NCALD: variants seen among roughly 807,000 people sequenced by gnomAD.
The protein encoded by NCALD is neurocalcin delta.
NCALD carries 10 observed loss-of-function variants against 18.6 expected under a neutral mutation model. That is an observed-to-expected ratio of 0.54 (90% CI 0.33 to 0.91). The LOEUF (loss-of-function observed/expected upper bound fraction) is 0.91. Among genes scored for constraint, NCALD ranks in the 40% least tolerant of loss-of-function variants. The probability of loss-of-function intolerance (pLI) is 0.03; values close to 1 mark genes in which losing one functional copy is unlikely to be tolerated. For missense variants in NCALD, 184 were observed against 247.6 expected, an observed-to-expected ratio of 0.74 and a Z score of 1.72; for synonymous variants, 88 against 87.4, an observed-to-expected ratio of 1.01 and a Z score of -0.04.
At chr8:101,702,395 T>G (rs1815310629) in intron 2 of NCALD, among the ~76,000 whole-genome samples, 1 of 151,978 alleles carries the variant, frequency 6.6e-6, no homozygotes, top group African/African-American at 2.4e-5. Flanking sequence ...GCCACCACAC[T>G]GGGTAATTTT....
chr8:102,098,004 C>A (rs910775623), intron 1 of NCALD, among the ~76,000 whole-genome samples: 3 of 152,212 alleles, frequency 2.0e-5, no homozygotes, highest in African/African-American at 7.2e-5. Context: ...TCCTGCACAG[C>A]CATCTCTGTG....
In NCALD at chr8:101,765,861, C is replaced by G. The variant is rs562186983; in HGVS notation, c.-20+25001G>C. 1.2e-3 allele frequency among the ~76,000 whole-genome samples: 187 copies of G among 152,336 alleles called. 1 individual carries two copies. Among genetic ancestry groups the G allele is most frequent in the African/African-American group, 4.4e-3 (184 of 41,570 alleles). ...AGGATAATTTGCTTAGCATACAGAT[C>G]TCTACTACCATATACTTCTGCTCTG... is the stretch of plus-strand genomic sequence containing the variant. On this transcript the variant is annotated intron_variant, in intron 1 of 3. Coordinates refer to ENST00000220931, the MANE Select transcript of NCALD (RefSeq NM_032041.3).
chr8:101,707,486 C>T (rs1815582956), intron 2 of NCALD, among the ~76,000 whole-genome samples: 1 of 152,194 alleles, frequency 6.6e-6, no homozygotes. Context: ...CCTTATTCAT[C>T]ACAGGGGTGA....
At chr8:102,081,657 C>T (rs1189822285) in intron 1 of NCALD, among the ~76,000 whole-genome samples, 1 of 151,906 alleles carries the variant, frequency 6.6e-6, no homozygotes, top group Non-Finnish European at 1.5e-5. Flanking sequence ...AGTCCATCAG[C>T]CTGCGGACTT....
intron 2 of NCALD, among the ~76,000 whole-genome samples, chr8:102,019,703 G>A (rs1467912364): frequency 1.3e-5 from 2 of 152,240 alleles, no homozygotes; most frequent in Non-Finnish European, 2.9e-5. Flanking sequence ...ATCTAGCTAA[G>A]TATAGAAAAG....
rs1435890219 is a variant in NCALD, at chr8:101,687,427, C to T, written c.*1882G>A. The T allele has an allele frequency of 6.6e-6, 1 of 152,660 alleles. No homozygotes were observed. The highest frequency in any genetic ancestry group is 1.5e-5 in the Non-Finnish European group (1 of 68,052). The allele number at this position is 152,660 out of a possible 1,614,324, so 9.5% of individuals were successfully genotyped here. On this transcript the variant is annotated 3_prime_UTR_variant, in exon 4 of 4. Coordinates refer to ENST00000220931, the MANE Select transcript of NCALD (RefSeq NM_032041.3). ...TTTGGCAAGTTTTGGTACAGAACCA[C>T]TGTGAGGAACTGACCCCTGGAGGAA...
At chr8:101,876,539 C>T (rs1164921676) in intron 4 of NCALD, among the ~76,000 whole-genome samples, 1 of 152,206 alleles carries the variant, frequency 6.6e-6, no homozygotes, top group Non-Finnish European at 1.5e-5. Flanking sequence ...TTACCTGAAG[C>T]CTAATTTCCT....
At chr8:101,718,481 G>A (rs182338022) in intron 2 of NCALD, among the ~76,000 whole-genome samples, 7 of 151,966 alleles carry the variant, frequency 4.6e-5, no homozygotes, top group Admixed American at 2.6e-4. Flanking sequence ...ATTTGTTCAG[G>A]GCTGAGTTCT....
At chr8:102,076,719 G>T (rs1587028977) in intron 1 of NCALD, among the ~76,000 whole-genome samples, 1 of 152,230 alleles carries the variant, frequency 6.6e-6, no homozygotes, top group East Asian at 1.9e-4. Context: ...GTACCCAAAT[G>T]CTGGTGAACA....
intron 1 of NCALD, among the ~76,000 whole-genome samples, chr8:102,097,608 A>C (rs1189498093): frequency 6.6e-6 from 1 of 152,224 alleles, no homozygotes; most frequent in Non-Finnish European, 1.5e-5. Context: ...GCCTCCATGA[A>C]GCTGGATATT....
chr8:101,905,574 G>T (rs1003703922), intron 3 of NCALD, among the ~76,000 whole-genome samples: 8 of 151,960 alleles, frequency 5.3e-5, no homozygotes, highest in Non-Finnish European at 8.8e-5. Context: ...TATTTAAATT[G>T]CCTTCTGACT....
At chr8:102,059,383 T>C (rs1488186211) in intron 1 of NCALD, among the ~76,000 whole-genome samples, 1 of 152,220 alleles carries the variant, frequency 6.6e-6, no homozygotes, top group Non-Finnish European at 1.5e-5. Context: ...GTACTACATA[T>C]CTTTAATAGC....
intron 1 of NCALD, among the ~76,000 whole-genome samples, chr8:102,098,483 T>TG (rs34402724): frequency 0.22 from 33,803 of 152,030 alleles, 4,487 homozygotes; most frequent in East Asian, 0.42. Context: ...TTGCTGGCCC[T>TG]GGGGGGCTGC....
At chr8:101,872,497 C>T in intron 4 of NCALD, 1 of 772,116 alleles carries the variant, frequency 1.3e-6, no homozygotes, top group Non-Finnish European at 2.3e-6. Flanking sequence ...GGGTAAGATG[C>T]CCTTCTTGTC....
At chr8:102,085,591 C>T (rs1240689647) in intron 1 of NCALD, among the ~76,000 whole-genome samples, 2 of 46,464 alleles carry the variant, frequency 4.3e-5, no homozygotes, top group Non-Finnish European at 8.4e-5. Flanking sequence ...CCAGTCTCTA[C>T]TAAAAATAAA....
chr8:101,984,910 T>G (rs1349656323), intron 2 of NCALD, among the ~76,000 whole-genome samples: 3 of 152,156 alleles, frequency 2.0e-5, no homozygotes, highest in Non-Finnish European at 2.9e-5. Flanking sequence ...TGCTGAGAAC[T>G]TAGGCACCCC....
chr8:102,017,262 G>T (rs1822117215), intron 2 of NCALD, among the ~76,000 whole-genome samples: 1 of 151,708 alleles, frequency 6.6e-6, no homozygotes, highest in Non-Finnish European at 1.5e-5. Context: ...CATATAAAAA[G>T]TTATTCTTGA....
chr8:101,884,877 G>T (rs927248731), intron 4 of NCALD, among the ~76,000 whole-genome samples: 1 of 152,042 alleles, frequency 6.6e-6, no homozygotes, highest in Admixed American at 6.6e-5. Flanking sequence ...TTGGTGTCTC[G>T]TGCTCTCAGC....
chr8:101,777,789 T>A (rs918315190), intron 1 of NCALD, among the ~76,000 whole-genome samples: 3 of 152,052 alleles, frequency 2.0e-5, no homozygotes, highest in Admixed American at 1.3e-4. Context: ...AAAGAATAAA[T>A]CAAGAACTGG....
Sources: gnomAD v4.1 joint callset for allele counts (sites outside exome capture counted in the v4.1 genomes callset) on GRCh38, gnomAD v4.1.1 for gene constraint, MANE v1.5 for transcripts, NCBI Gene and HGNC (gene_info 2026-07-23, HGNC 2026-07-21) for gene names.